TTC16: variants seen among roughly 807,000 people sequenced by gnomAD.
The protein encoded by TTC16 is tetratricopeptide repeat protein 16.
TTC16 carries 66 observed loss-of-function variants against 80.4 expected under a neutral mutation model. That is an observed-to-expected ratio of 0.82 (90% CI 0.67 to 1.01). TTC16 has a LOEUF of 1.01. Ranked by LOEUF, TTC16 falls within the 50% of genes least tolerant of loss-of-function variation. TTC16 has a pLI of 0.00. For synonymous variants in TTC16, 438 were observed against 451.3 expected (o/e 0.97, Z 0.37); for missense variants, 1,070 against 1,103.2 (o/e 0.97, Z 0.43).
chr9:127,729,694 C>A lies in TTC16; in HGVS notation c.1852+26C>A, dbSNP rs201977325. On this transcript the variant is annotated intron_variant, in intron 13 of 13. Transcript: ENST00000373289. ...GTAAGTCCCTGGTGCTTCCGCCAGG[C>A]CTCAGGAAGCTAAGGCAGCAGGGTA... The A allele has an allele frequency of 1.4e-4, 227 of 1,604,218 alleles. 2 individuals carry two copies. The East Asian group carries it at 4.2e-3, about 29-fold the overall frequency.
In TTC16 at chr9:127,731,578, A is replaced by G. The variant is rs1363323790; in HGVS notation, c.*173A>G. On this transcript the variant is annotated 3_prime_UTR_variant, in exon 14 of 14. Coordinates refer to ENST00000373289, the MANE Select transcript of TTC16 (RefSeq NM_144965.3). ...TGTTTTCTTTTACAAAATTAAAAAC[A>G]TCTAAAACCAGGCCCAAGTGGCAGC... 2.2e-6 allele frequency: 3 copies of G among 1,388,568 alleles called. No homozygotes were observed. Among genetic ancestry groups the G allele is most frequent in the Non-Finnish European group, 2.8e-6 (3 of 1,062,860 alleles). The allele number at this position is 1,388,568 out of a possible 1,614,324, so 86.0% of individuals were successfully genotyped here. A position where few individuals can be genotyped will look rare whatever the true frequency, so the allele number is the denominator to read the frequency against.
Position 127,716,096 on chromosome 9 carries a change from G to A in TTC16, c.-50G>A, listed in dbSNP as rs1273402754. ...TGGTGCCTAGCAACGTCAGGGCCAG[G>A]GCCGCGAGGTAGTTGGCAGAGGCCT... On this transcript the variant is annotated 5_prime_UTR_variant, in exon 1 of 14. Coordinates refer to ENST00000373289, the MANE Select transcript of TTC16 (RefSeq NM_144965.3). The A allele has an allele frequency of 8.7e-6, 14 of 1,613,586 alleles. No homozygotes were observed. The Admixed American group carries it at 2.3e-4, about 27-fold the overall frequency.
At chr9:127,720,523 G>GCAC in intron 6 of TTC16, 128 bp downstream of exon 6, 1 of 1,246,504 alleles carries the variant, frequency 8.0e-7, no homozygotes, top group Non-Finnish European at 1.1e-6. Flanking sequence ...AGTGGGTGCT[G>GCAC]TCCTCCCTGG....
rs760568536 is a variant in TTC16 at position 127,716,121 on chromosome 9, T to C, written c.-25T>C. ...GGCCGCGAGGTAGTTGGCAGAGGCC[T>C]CGGGGTCCTCCTGGAAGGGGCCTCA... On this transcript the variant is annotated 5_prime_UTR_variant, in exon 1 of 14. Transcript: ENST00000373289. 1 of 1,613,926 alleles carries C rather than the reference T, an allele frequency of 6.2e-7. No homozygotes were observed. Among genetic ancestry groups the C allele is most frequent in the Non-Finnish European group, 8.5e-7 (1 of 1,179,998 alleles).
chr9:127,724,902 G>T lies in TTC16; in HGVS notation c.1259+5G>T. ...CTTCTGCGAGCAGAGGCGCAAGTGC[G>T]TGGGCTCCCGCCCCCACGGTGGGCG... is the stretch of plus-strand genomic sequence containing the variant. On this transcript the variant is annotated splice_donor_5th_base_variant and intron_variant, in intron 9 of 13. Transcript: ENST00000373289. 1 of 1,513,034 alleles carries T rather than the reference G, an allele frequency of 6.6e-7. No individual in the cohort carries two copies. Among genetic ancestry groups the T allele is most frequent in the Non-Finnish European group, 8.8e-7 (1 of 1,134,010 alleles). 93.7% of individuals were successfully genotyped at this position (1,513,034 alleles called of 1,614,324 possible).
rs1011039555 is a variant in TTC16, at chr9:127,718,986, G to A, written c.427-1092G>A. 6.6e-6 allele frequency among the ~76,000 whole-genome samples: 1 copy of A among 151,868 alleles called. No homozygotes were observed. Among genetic ancestry groups the A allele is most frequent in the African/African-American group, 2.4e-5 (1 of 41,412 alleles). ...CCAGCACTTTGGGAGGCCGAGTTGGGCGGATCATGAGGTCAGGAGTTTGAG... is the reference window on the plus strand; with the variant it reads ...CCAGCACTTTGGGAGGCCGAGTTGGACGGATCATGAGGTCAGGAGTTTGAG... On this transcript the variant is annotated intron_variant, in intron 4 of 13. Coordinates refer to ENST00000373289, the MANE Select transcript of TTC16 (RefSeq NM_144965.3). The surrounding 1 kb of genome is among the most constrained non-coding windows in gnomAD (Gnocchi z 4.6).
chr9:127,727,775 T>G, intron 12 of TTC16: 1 of 254,314 alleles, frequency 3.9e-6, no homozygotes, highest in Admixed American at 5.5e-5. Context: ...TTTTTTGTTT[T>G]TGAGTCGGAG....
In TTC16 at chr9:127,724,114, C is replaced by A. The variant is rs563075958; in HGVS notation, c.873-6C>A. 89 of 1,600,258 alleles carry A rather than the reference C, an allele frequency of 5.6e-5. No individual in the cohort carries two copies. In the Admixed American group the frequency reaches 6.1e-4, roughly 11 times the overall value. On this transcript the variant is annotated splice_region_variant and splice_polypyrimidine_tract_variant and intron_variant, in intron 7 of 13. Coordinates refer to ENST00000373289, the MANE Select transcript of TTC16 (RefSeq NM_144965.3). Reference sequence around the variant, plus strand: ...CTCCTGCCGTCTCCCACGCCCCCCCCGACAGGGGCACCATGTACCGACGGC... The same window carrying A: ...CTCCTGCCGTCTCCCACGCCCCCCCAGACAGGGGCACCATGTACCGACGGC...
intron 8 of TTC16, 88 bp from the exon 9 acceptor site, chr9:127,724,668 G>GC (rs1843774350): frequency 3.3e-6 from 5 of 1,516,222 alleles, no homozygotes; most frequent in Admixed American, 4.2e-5. Flanking sequence ...CCAGTTTCAG[G>GC]CCCTGGCCCC....
intron 7 of TTC16, 130 bp downstream of exon 7, chr9:127,723,463 T>A: frequency 1.2e-6 from 1 of 864,776 alleles, no homozygotes; most frequent in Non-Finnish European, 1.8e-6. Flanking sequence ...AGTCTTTCCC[T>A]ACTTCCTACT....
At position 127,730,874 on chromosome 9, in the gene TTC16, G is replaced by C. The variant is rs772202208; in HGVS notation, c.2091G>C (p.Lys697Asn). 6.2e-7 allele frequency: 1 copy of C among 1,613,506 alleles called. No homozygotes were observed. Among genetic ancestry groups the C allele is most frequent in the East Asian group, 2.2e-5 (1 of 44,858 alleles). The change falls in exon 14 of 14, where the codon AAG (lysine) becomes AAC (asparagine). Residue 697 changes from lysine (K) to asparagine (N), a missense_variant. Coordinates refer to ENST00000373289, the MANE Select transcript of TTC16 (RefSeq NM_144965.3). ...AGAGCCAGAGGCGGAACTCCAGCAA[G>C]ACCAAGGCCACTATACACAAGAGGA... Reference protein sequence around the residue: ...PTQSQRRNSSKTKATIHKRNS... With the variant: ...PTQSQRRNSSNTKATIHKRNS...
At position 127,718,559 on chromosome 9, in the gene TTC16, A is replaced by G. The variant is rs917139520; in HGVS notation, c.426+787A>G. On this transcript the variant is annotated intron_variant, in intron 4 of 13. Transcript: ENST00000373289. The surrounding 1 kb of genome is among the most constrained non-coding windows in gnomAD (Gnocchi z 4.6). ...AACAATATTAAACTATAAAACACCA[A>G]CGAAGTGTTGCTTTTTTCCATTTTG... Among the ~76,000 whole-genome samples the G allele has an allele frequency of 2.0e-5, 3 of 151,784 alleles. No homozygotes were observed. The highest frequency in any genetic ancestry group is 2.1e-4 in the South Asian group (1 of 4,800).
intron 13 of TTC16, 129 bp from the exon 14 acceptor site, chr9:127,730,506 AG>A (rs960367472): frequency 2.0e-5 from 28 of 1,375,826 alleles, no homozygotes; most frequent in Non-Finnish European, 2.6e-5. Flanking sequence ...GGTGATCTGC[AG>A]GTCTTTCCCT....
chr9:127,717,537 G>A, intron 3 of TTC16, 92 bp from the exon 4 acceptor site: 2 of 1,578,442 alleles, frequency 1.3e-6, no homozygotes, highest in Non-Finnish European at 1.7e-6. Context: ...ATGGGAATTG[G>A]ATGTCAACTC....
rs1843213746 is a variant in TTC16, at chr9:127,718,416, G to A, written c.426+644G>A. 6.6e-6 allele frequency among the ~76,000 whole-genome samples: 1 copy of A among 152,010 alleles called. No homozygotes were observed. Among genetic ancestry groups the A allele is most frequent in the Non-Finnish European group, 1.5e-5 (1 of 67,998 alleles). ...TATTTTTATTTTAATTAATTTAAATGTGTATAGCCACACAAAGCTAGTGGC... is the reference window on the plus strand; with the variant it reads ...TATTTTTATTTTAATTAATTTAAATATGTATAGCCACACAAAGCTAGTGGC... On this transcript the variant is annotated intron_variant, in intron 4 of 13. Transcript: ENST00000373289. The surrounding 1 kb of genome is among the most constrained non-coding windows in gnomAD (Gnocchi z 4.6).
At position 127,727,301 on chromosome 9, in the gene TTC16, A is replaced by C. The variant is rs1431130676; in HGVS notation, c.1600A>C (p.Lys534Gln). The C allele has an allele frequency of 1.9e-6, 3 of 1,578,310 alleles. No homozygotes were observed. The Admixed American group carries it at 5.5e-5, about 29-fold the overall frequency. ...MLKRHELERQ[K>Q]ALALQHSWKQ... ...TAAACGGCACGAGTTGGAGCGCCAG[A>C]AGGCCTTGGCCCTGCAGCACTCATG... is the stretch of plus-strand genomic sequence containing the variant. The change falls in exon 12 of 14, where the codon AAG (lysine) becomes CAG (glutamine). Residue 534 changes from lysine (K) to glutamine (Q), a missense_variant. Lys to Gln is a moderately conservative substitution (Grantham distance 53, BLOSUM62 1). Coordinates refer to ENST00000373289, the MANE Select transcript of TTC16 (RefSeq NM_144965.3).
At position 127,731,409 on chromosome 9, in the gene TTC16, G is replaced by T. The variant is rs1195607926; in HGVS notation, c.*4G>T. 2 of 1,598,210 alleles carry T rather than the reference G, an allele frequency of 1.3e-6. No homozygotes were observed. On this transcript the variant is annotated 3_prime_UTR_variant, in exon 14 of 14. Coordinates refer to ENST00000373289, the MANE Select transcript of TTC16 (RefSeq NM_144965.3). ...CACCTACTATGAAGCTGTCTGAAGGGACCATCCAGACCCTCCCTTCTTGCT... is the reference window on the plus strand; with the variant it reads ...CACCTACTATGAAGCTGTCTGAAGGTACCATCCAGACCCTCCCTTCTTGCT...
At position 127,722,366 on chromosome 9, in the gene TTC16, G is replaced by C. The variant is rs1843578685; in HGVS notation, c.658-753G>C. Among the ~76,000 whole-genome samples, 1 of 152,346 alleles carries C rather than the reference G, an allele frequency of 6.6e-6. No homozygotes were observed. The highest frequency in any genetic ancestry group is 1.9e-4 in the East Asian group (1 of 5,192). ...TCCTCCTAGTGGAAGGGACTTGCTG[G>C]GGGAGGTTTCCACTGTACCCAGGCC... On this transcript the variant is annotated intron_variant, in intron 6 of 13. Coordinates refer to ENST00000373289, the MANE Select transcript of TTC16 (RefSeq NM_144965.3). The surrounding 1 kb of genome is among the most constrained non-coding windows in gnomAD (Gnocchi z 4.2).
intron 13 of TTC16, 85 bp from the exon 14 acceptor site, chr9:127,730,551 T>C (rs1844332358): frequency 4.6e-6 from 7 of 1,536,922 alleles, no homozygotes; most frequent in East Asian, 2.3e-5. Flanking sequence ...CACAGGCCAG[T>C]GTGAGATTGG....
Sources: allele counts gnomAD v4.1 joint callset (sites outside exome capture counted in the v4.1 genomes callset), GRCh38; gene constraint gnomAD v4.1.1; non-coding constraint Gnocchi (gnomAD v3.1); transcripts MANE v1.5; gene names NCBI Gene and HGNC (gene_info 2026-07-23, HGNC 2026-07-21).